Variants in ATOSA observed in about 807,000 individuals in gnomAD.
ATOSA encodes the protein atos homolog protein A.
At chr15:52,605,295 A>G in the ATOSA span, 1 of 1,331,484 alleles carries the variant, frequency 7.5e-7, no homozygotes, top group Non-Finnish European at 1.0e-6. Context: ...AATACCATTT[A>G]AAGAACTTGG....
the ATOSA span, among the ~76,000 whole-genome samples, chr15:52,647,006 T>C: frequency 2.0e-5 from 3 of 152,148 alleles, no homozygotes; most frequent in Non-Finnish European, 4.4e-5. Flanking sequence ...CAATGCAATG[T>C]AGTCATTTAA....
the ATOSA span, among the ~76,000 whole-genome samples, chr15:52,667,921 G>A: frequency 6.6e-6 from 1 of 152,198 alleles, no homozygotes. Flanking sequence ...ACAAGTGTTG[G>A]CAAGGATGTG....
At chr15:52,663,605 ATTAAT>A in the ATOSA span, among the ~76,000 whole-genome samples, 88,219 of 151,468 alleles carry the variant, frequency 0.58, 28,858 homozygotes, top group Non-Finnish European at 0.74. Context: ...CACATATTAC[ATTAAT>A]TTAACTATTT....
chr15:52,609,865 T>C, the ATOSA span: 2 of 1,613,768 alleles, frequency 1.2e-6, no homozygotes, highest in South Asian at 2.2e-5. Context: ...CCAGAAACTC[T>C]GGCGGTTAGA....
chr15:52,581,827 CTA>C, the ATOSA span: 1 of 196,894 alleles, frequency 5.1e-6, no homozygotes. Flanking sequence ...CATTAGAACA[CTA>C]GAGACAAACA....
the ATOSA span, chr15:52,585,084 T>A: frequency 1.7e-6 from 1 of 601,578 alleles, no homozygotes; most frequent in Non-Finnish European, 2.7e-6. Flanking sequence ...GGACTAAAAT[T>A]AACACAATTT....
chr15:52,630,815 C>T, the ATOSA span, among the ~76,000 whole-genome samples: 1 of 152,132 alleles, frequency 6.6e-6, no homozygotes, highest in Non-Finnish European at 1.5e-5. Flanking sequence ...CTGTGATACA[C>T]TCATATAATG....
the ATOSA span, among the ~76,000 whole-genome samples, chr15:52,668,678 T>TAC: frequency 2.6e-5 from 4 of 152,080 alleles, no homozygotes; most frequent in Admixed American, 6.5e-5. Context: ...CATAAATATA[T>TAC]ACAATTGCAA....
At chr15:52,669,444 A>C in the ATOSA span, among the ~76,000 whole-genome samples, 1 of 152,238 alleles carries the variant, frequency 6.6e-6, no homozygotes, top group Non-Finnish European at 1.5e-5. Context: ...TTACTGTTAT[A>C]AATTTAAGTA....
At chr15:52,641,673 T>C in the ATOSA span, among the ~76,000 whole-genome samples, 15 of 152,352 alleles carry the variant, frequency 9.8e-5, no homozygotes, top group African/African-American at 3.1e-4. Flanking sequence ...TGTGCAAATA[T>C]AGGAAGATCA....
chr15:52,595,748 AC>A, the ATOSA span, among the ~76,000 whole-genome samples: 1 of 152,208 alleles, frequency 6.6e-6, no homozygotes, highest in Admixed American at 6.5e-5. Flanking sequence ...TGAACAATTG[AC>A]AATTAATTTT....
At chr15:52,639,289 A>G in the ATOSA span, among the ~76,000 whole-genome samples, 11 of 152,296 alleles carry the variant, frequency 7.2e-5, no homozygotes, top group South Asian at 2.1e-3. Context: ...AAAACTGTTA[A>G]GTGGTTAAGG....
At chr15:52,628,084 CAT>C in the ATOSA span, among the ~76,000 whole-genome samples, 3 of 152,240 alleles carry the variant, frequency 2.0e-5, no homozygotes, top group African/African-American at 4.8e-5. Context: ...ACTGATGAGA[CAT>C]GTGGGAATTT....
chr15:52,594,359 G>A, the ATOSA span, among the ~76,000 whole-genome samples: 1 of 152,148 alleles, frequency 6.6e-6, no homozygotes, highest in Non-Finnish European at 1.5e-5. Flanking sequence ...GTCACTCACT[G>A]AGATAACTAC....
the ATOSA span, among the ~76,000 whole-genome samples, chr15:52,604,249 G>A: frequency 3.3e-5 from 5 of 152,128 alleles, no homozygotes; most frequent in Non-Finnish European, 5.9e-5. Flanking sequence ...GTGAAACCCC[G>A]TCTCTACTAA....
At chr15:52,584,717 A>C in the ATOSA span, 10 of 1,590,006 alleles carry the variant, frequency 6.3e-6, no homozygotes, top group Admixed American at 1.8e-5. Context: ...TTCTAAAGTA[A>C]CATTTTCATA....
At chr15:52,679,575 G>T in the ATOSA span, among the ~76,000 whole-genome samples, 1 of 152,178 alleles carries the variant, frequency 6.6e-6, no homozygotes, top group Non-Finnish European at 1.5e-5. Flanking sequence ...GCGGCTGGGA[G>T]ACACCAGCAG....
At chr15:52,599,113 T>C in the ATOSA span, among the ~76,000 whole-genome samples, 7 of 152,354 alleles carry the variant, frequency 4.6e-5, no homozygotes, top group Non-Finnish European at 8.8e-5. Flanking sequence ...CCTTTCTTTA[T>C]AGCAATGCAA....
At chr15:52,657,466 C>T in the ATOSA span, 1 of 152,198 alleles carries the variant, frequency 6.6e-6, no homozygotes, top group Admixed American at 6.5e-5. Context: ...TGACTAAACT[C>T]TTTTGGCTAC....
Sources: gnomAD v4.1 joint callset for allele counts (sites outside exome capture counted in the v4.1 genomes callset) on GRCh38, gnomAD v4.1.1 for gene constraint, MANE v1.5 for transcripts, NCBI Gene and HGNC (gene_info 2026-07-23, HGNC 2026-07-21) for gene names.